Variants in PTPRN2 observed in about 807,000 individuals in gnomAD.
PTPRN2 encodes the protein receptor-type tyrosine-protein phosphatase N2.
Under a neutral mutation model 118.8 loss-of-function variants are expected in PTPRN2, and 74 were observed. That is an observed-to-expected ratio of 0.62 (90% CI 0.52 to 0.76). The LOEUF (loss-of-function observed/expected upper bound fraction) is 0.76. PTPRN2 is among the 30% of genes least tolerant of loss of function. The pLI, the probability that PTPRN2 is intolerant of heterozygous loss-of-function variation, is 0.00. For synonymous variants in PTPRN2, 641 were observed against 608.0 expected (o/e 1.05, Z -0.80); for missense variants, 1,481 against 1,394.4 (o/e 1.06, Z -0.99).
chr7:157,650,512 T>G (rs1001385872), intron 14 of PTPRN2, among the ~76,000 whole-genome samples: 41 of 152,098 alleles, frequency 2.7e-4, no homozygotes, highest in Non-Finnish European at 5.4e-4. Flanking sequence ...GCGGCCTGGT[T>G]TACTCATCAG....
rs547808792 is a variant in PTPRN2, at chr7:158,066,509, A to G, written c.1723+14789T>C. 7.5e-4 allele frequency among the ~76,000 whole-genome samples: 114 copies of G among 152,356 alleles called. 1 individual carries two copies. In the South Asian group the frequency reaches 0.023, roughly 30 times the overall value. On this transcript the variant is annotated intron_variant, in intron 11 of 22. Coordinates refer to ENST00000389418, the MANE Select transcript of PTPRN2 (RefSeq NM_002847.5). ...AGTATGGAAGGGCTCTGAGTGCTCA[A>G]AGGAACACAGCCTTTTCAGCTGGTG...
intron 12 of PTPRN2, among the ~76,000 whole-genome samples, chr7:157,691,075 C>CT (rs917300090): frequency 1.7e-5 from 2 of 117,858 alleles, no homozygotes; most frequent in African/African-American, 3.0e-5. Flanking sequence ...TGTCCCCCCC[C>CT]CCCCCCACAT....
At chr7:158,357,454 G>A (rs573872836) in intron 2 of PTPRN2, among the ~76,000 whole-genome samples, 16 of 152,314 alleles carry the variant, frequency 1.1e-4, no homozygotes, top group Admixed American at 2.0e-4. Flanking sequence ...CTCGGTAGAC[G>A]CCAGGCTATG....
At chr7:157,720,444 A>G (rs561082666) in intron 12 of PTPRN2, among the ~76,000 whole-genome samples, 19 of 152,330 alleles carry the variant, frequency 1.2e-4, no homozygotes, top group African/African-American at 4.6e-4. Flanking sequence ...TGCGGCCCAC[A>G]GGACAAAGCC....
chr7:157,692,502 G>T (rs115694800), intron 12 of PTPRN2, among the ~76,000 whole-genome samples: 2,080 of 152,330 alleles, frequency 0.014, 50 homozygotes, highest in African/African-American at 0.047. Context: ...GGTGCCGTCC[G>T]CTGCAGGCCC....
chr7:157,770,702 A>AATACATCC (rs1802748611), intron 12 of PTPRN2, among the ~76,000 whole-genome samples: 1 of 152,216 alleles, frequency 6.6e-6, no homozygotes, highest in African/African-American at 2.4e-5. Context: ...GCTCGGGTAG[A>AATACATCC]CGGACATCCT....
At chr7:157,736,816 A>C (rs2150954798) in intron 12 of PTPRN2, among the ~76,000 whole-genome samples, 1 of 152,268 alleles carries the variant, frequency 6.6e-6, no homozygotes, top group East Asian at 1.9e-4. Flanking sequence ...CTCCATGTTG[A>C]GTGAAAAAAT....
chr7:157,678,504 G>C (rs138737544), intron 13 of PTPRN2, among the ~76,000 whole-genome samples: 1 of 152,190 alleles, frequency 6.6e-6, no homozygotes, highest in Non-Finnish European at 1.5e-5. Flanking sequence ...TGCACCGGGG[G>C]TAAGAAGTCA....
chr7:158,226,652 A>C (rs1175957385), intron 3 of PTPRN2, among the ~76,000 whole-genome samples: 1 of 147,494 alleles, frequency 6.8e-6, no homozygotes, highest in Admixed American at 6.8e-5. Flanking sequence ...GCTGCATATG[A>C]GGAACGAAGA....
intron 12 of PTPRN2, among the ~76,000 whole-genome samples, chr7:157,888,319 G>C (rs1796603716): frequency 6.6e-6 from 1 of 152,124 alleles, no homozygotes; most frequent in African/African-American, 2.4e-5. Flanking sequence ...AAGGAACCCC[G>C]TGAACTCTGA....
intron 11 of PTPRN2, among the ~76,000 whole-genome samples, chr7:158,068,321 C>G (rs1585320807): frequency 6.6e-6 from 1 of 152,192 alleles, no homozygotes; most frequent in South Asian, 2.1e-4. Context: ...CTCATGGCAG[C>G]CGAGGGTACG....
At chr7:158,312,448 T>A (rs1469107870) in intron 3 of PTPRN2, among the ~76,000 whole-genome samples, 4 of 143,578 alleles carry the variant, frequency 2.8e-5, no homozygotes, top group African/African-American at 7.9e-5. Flanking sequence ...CCCTGCGCAC[T>A]CATTCACATG....
intron 2 of PTPRN2, among the ~76,000 whole-genome samples, chr7:158,423,255 CT>C (rs1156959067): frequency 6.6e-6 from 1 of 152,258 alleles, no homozygotes; most frequent in Non-Finnish European, 1.5e-5. Flanking sequence ...GTTCTATCCC[CT>C]GCTGCTGGGC....
chr7:158,279,777 C>T (rs184071734), intron 3 of PTPRN2, among the ~76,000 whole-genome samples: 1 of 152,324 alleles, frequency 6.6e-6, no homozygotes, highest in African/African-American at 2.4e-5. Context: ...CAGAGAGGGG[C>T]CCCCACAGTG....
chr7:157,976,459 GC>G (rs201329689), intron 11 of PTPRN2, among the ~76,000 whole-genome samples: 1 of 148,190 alleles, frequency 6.7e-6, no homozygotes, highest in Non-Finnish European at 1.5e-5. Flanking sequence ...CCAGATGCAA[GC>G]CCCCCCCACC....
rs1283150380 is a variant in PTPRN2, at chr7:157,703,756, C to T, written c.1789-20819G>A. On this transcript the variant is annotated intron_variant, in intron 12 of 22. Transcript: ENST00000389418. The stretch of plus-strand genomic sequence containing the variant: ...CTCACTCCCCGCGGCCGCTTGTCCT[C>T]TGCCGCTGCTCTGGATTTGGGATTC... Among the ~76,000 whole-genome samples the T allele has an allele frequency of 2.6e-5, 4 of 152,306 alleles. No homozygotes were observed. The East Asian group carries it at 5.8e-4, about 22-fold the overall frequency.
intron 12 of PTPRN2, among the ~76,000 whole-genome samples, chr7:157,879,836 T>TA (rs11459962): frequency 0.23 from 27,338 of 119,674 alleles, 2,929 homozygotes; most frequent in East Asian, 0.38. Flanking sequence ...ACGTCTTTGT[T>TA]AAAAAAAAAA....
At chr7:157,703,837 C>T (rs569243400) in intron 12 of PTPRN2, among the ~76,000 whole-genome samples, 5 of 152,266 alleles carry the variant, frequency 3.3e-5, no homozygotes, top group Non-Finnish European at 4.4e-5. Context: ...TCTGGTTCTC[C>T]GGGGCTGTGG....
intron 2 of PTPRN2, among the ~76,000 whole-genome samples, chr7:158,387,610 A>C: frequency 7.0e-4 from 1 of 1,424 alleles, no homozygotes; most frequent in African/African-American, 1.7e-3. Flanking sequence ...GATGCAGCTG[A>C]AGGCGGAGAG....
Sources: gnomAD v4.1 joint callset for allele counts (sites outside exome capture counted in the v4.1 genomes callset) on GRCh38, gnomAD v4.1.1 for gene constraint, MANE v1.5 for transcripts, NCBI Gene and HGNC (gene_info 2026-07-23, HGNC 2026-07-21) for gene names.